Variants in PPP4R3B observed in about 807,000 individuals in gnomAD.
PPP4R3B encodes serine/threonine-protein phosphatase 4 regulatory subunit 3B.
A neutral mutation model predicts 95.4 loss-of-function variants in PPP4R3B; 52 were observed. The observed-to-expected ratio is 0.54, with a 90% confidence interval of 0.44 to 0.69. The LOEUF (loss-of-function observed/expected upper bound fraction) is 0.69, where lower values mean the gene tolerates loss of function less well. Among genes scored for constraint, PPP4R3B ranks in the 30% least tolerant of loss-of-function variants. The pLI is 0.00. For synonymous variants in PPP4R3B, 407 were observed against 343.9 expected, an observed-to-expected ratio of 1.18 and a Z score of -2.03; for missense variants, 1,003 against 1,005.9, an observed-to-expected ratio of 1.00 and a Z score of 0.04.
chr2:55,584,451 G>A, intron 7 of PPP4R3B, among the ~76,000 whole-genome samples: 1 of 152,100 alleles, frequency 6.6e-6, no homozygotes, highest in Non-Finnish European at 1.5e-5. Flanking sequence ...CATCACCCAA[G>A]CAGTATACAC....
At chr2:55,553,965 A>G (rs1053798204) in intron 16 of PPP4R3B, among the ~76,000 whole-genome samples, 3 of 152,128 alleles carry the variant, frequency 2.0e-5, no homozygotes, top group Non-Finnish European at 2.9e-5. Context: ...TACAATATAT[A>G]CCTAGGAAAT....
chr2:55,586,522 G>C (rs1690172419), intron 6 of PPP4R3B, 96 bp downstream of exon 6: 1 of 646,922 alleles, frequency 1.5e-6, no homozygotes, highest in East Asian at 2.8e-5. Context: ...CTAAACTATA[G>C]AATTGAATAT....
chr2:55,612,702 T>TG (rs1485044515), intron 2 of PPP4R3B, among the ~76,000 whole-genome samples: 2 of 152,000 alleles, frequency 1.3e-5, no homozygotes, highest in African/African-American at 2.4e-5. Context: ...CCCAGCACTT[T>TG]GGGGGGCCGA....
rs758500500 is a variant in PPP4R3B, at chr2:55,578,338, A to T, written c.1473T>A (p.Phe491Leu). 1 of 1,395,564 alleles carries T rather than the reference A, an allele frequency of 7.2e-7. No homozygotes were observed. Among genetic ancestry groups the T allele is most frequent in the South Asian group, 2.0e-5 (1 of 50,886 alleles). 86.4% of individuals were successfully genotyped at this position (1,395,564 alleles called of 1,614,324 possible). Residue 491 changes from phenylalanine to leucine, a missense_variant, in exon 10 of 17, where the codon TTT (phenylalanine) becomes TTA (leucine). Around this residue, in one of 3 missense-constraint regions of PPP4R3B, gnomAD observed 695 missense variants for 686.2 expected, o/e 1.01. Transcript: ENST00000616407. ...NTSEDKCEKD[F>L]FLKHYRYSWS... ...AACTATATCTGTAATGTTTTAAAAAAAAATCTGAAAAAAAATATGGCAAGT... is the reference window on the plus strand; with the variant it reads ...AACTATATCTGTAATGTTTTAAAAATAAATCTGAAAAAAAATATGGCAAGT...
At chr2:55,615,626 CG>C in intron 1 of PPP4R3B, 120 bp from the exon 2 acceptor site, 2 of 608,692 alleles carry the variant, frequency 3.3e-6, no homozygotes, top group Non-Finnish European at 5.6e-6. Context: ...CTTTGGGAGG[CG>C]GGCAGATCAC....
intron 6 of PPP4R3B, among the ~76,000 whole-genome samples, 156 bp downstream of exon 6, chr2:55,586,462 T>C (rs1043908475): frequency 2.4e-4 from 37 of 152,236 alleles, no homozygotes; most frequent in African/African-American, 8.4e-4. Context: ...ATATTAAAAA[T>C]TAAATAAAAA....
Position 55,598,600 on chromosome 2 carries a change from G to A in PPP4R3B, c.737C>T (p.Ala246Val). 3.1e-6 allele frequency: 5 copies of A among 1,614,142 alleles called. No homozygotes were observed. Among genetic ancestry groups the A allele is most frequent in the Non-Finnish European group, 3.4e-6 (4 of 1,180,020 alleles). ...KRHREFLTKT[A>V]KFKEVIPITD... ...TATTGGTATAACTTCCTTGAACTTT[G>A]CAGTTTTGGTCAAGAATTCTCTATG... The change falls in exon 4 of 17, where the codon GCA becomes GTA. Residue 246 changes from alanine (A) to valine (V), a missense_variant. Ala to Val is a moderately conservative substitution (Grantham distance 64). Around this residue, in one of 3 missense-constraint regions of PPP4R3B, gnomAD observed 695 missense variants for 686.2 expected, o/e 1.01. Transcript: ENST00000616407.
intron 11 of PPP4R3B, among the ~76,000 whole-genome samples, chr2:55,576,470 C>T (rs1173675504): frequency 4.6e-5 from 7 of 151,680 alleles, no homozygotes; most frequent in South Asian, 2.1e-4. Context: ...AGGCCGGGCG[C>T]GGTGGCTCAC....
In PPP4R3B at chr2:55,573,705, T is replaced by C; in HGVS notation, c.1679A>G (p.Tyr560Cys). The change falls in exon 12 of 17, where the codon TAT (tyrosine) becomes TGT (cysteine). Residue 560 changes from tyrosine (Y) to cysteine (C), a missense_variant. By Grantham distance (194) the Tyr-to-Cys change is radical (BLOSUM62 -2). Transcript: ENST00000616407. ...LLTFCVEHHT[Y>C]HIKNYIMNKD... ...GTTCATAATATAGTTTTTTATGTGA[T>C]ATGTGTGATGTTCCACACAAAATGT... 1 of 1,546,972 alleles carries C rather than the reference T, an allele frequency of 6.5e-7. No individual in the cohort carries two copies. The highest frequency in any genetic ancestry group is 8.7e-7 in the Non-Finnish European group (1 of 1,145,562).
chr2:55,603,540 T>G (rs1347677338), intron 3 of PPP4R3B, among the ~76,000 whole-genome samples: 1 of 152,216 alleles, frequency 6.6e-6, no homozygotes, highest in Non-Finnish European at 1.5e-5. Flanking sequence ...TACCACATAT[T>G]CTATATATCC....
At chr2:55,597,873 A>G (rs1355841062) in intron 4 of PPP4R3B, among the ~76,000 whole-genome samples, 2 of 152,222 alleles carry the variant, frequency 1.3e-5, no homozygotes, top group East Asian at 3.8e-4. Context: ...TCAATTTTAG[A>G]AACACAAATA....
At chr2:55,609,667 C>CAA (rs58617547) in intron 2 of PPP4R3B, among the ~76,000 whole-genome samples, 4 of 103,508 alleles carry the variant, frequency 3.9e-5, no homozygotes, top group Non-Finnish European at 8.1e-5. Context: ...GACTGTGTCT[C>CAA]AAAAAAAAAA....
intron 15 of PPP4R3B, among the ~76,000 whole-genome samples, chr2:55,561,955 A>G (rs1686684976): frequency 6.6e-6 from 1 of 152,136 alleles, no homozygotes; most frequent in Non-Finnish European, 1.5e-5. Flanking sequence ...AAAGGACATG[A>G]AATTAGGGAG....
intron 13 of PPP4R3B, chr2:55,567,938 A>G (rs567443416): frequency 1.0e-5 from 2 of 199,818 alleles, no homozygotes; most frequent in Admixed American, 1.2e-4. Flanking sequence ...TATATTTCAC[A>G]ATTAAAAATA....
intron 11 of PPP4R3B, among the ~76,000 whole-genome samples, chr2:55,575,035 T>C (rs1258044300): frequency 6.7e-6 from 1 of 149,410 alleles, no homozygotes; most frequent in Admixed American, 6.7e-5. Context: ...CCTCCCGGGT[T>C]CACGCCATTC....
chr2:55,589,471 G>A (rs1386997975), intron 4 of PPP4R3B, among the ~76,000 whole-genome samples: 3 of 152,152 alleles, frequency 2.0e-5, no homozygotes, highest in African/African-American at 7.2e-5. Flanking sequence ...ACCAACTGGT[G>A]CACAGTTTTA....
At chr2:55,615,798 G>GCAGTA (rs909064927) in intron 1 of PPP4R3B, among the ~76,000 whole-genome samples, 37 of 134,718 alleles carry the variant, frequency 2.7e-4, no homozygotes, top group African/African-American at 9.0e-4. Flanking sequence ...GGCAGAGGTT[G>GCAGTA]CAGTAGCCCA....
Position 55,558,902 on chromosome 2 carries a change from A to T in PPP4R3B, c.2327T>A (p.Phe776Tyr), listed in dbSNP as rs767076481. 1.9e-6 allele frequency: 3 copies of T among 1,613,926 alleles called. No homozygotes were observed. Among genetic ancestry groups the T allele is most frequent in the Non-Finnish European group, 2.5e-6 (3 of 1,179,966 alleles). ...RTSPGGFKFT[F>Y]SHSASAANGT... ...ATTAGCAGCACTGGCAGAGTGGGAG[A>T]AAGTAAATTTGAAGCCACCAGGAGA... Residue 776 changes from phenylalanine to tyrosine, a missense_variant, in exon 16 of 17, where the codon TTC becomes TAC. This residue lies in a region of PPP4R3B where 229 missense variants were observed against 194.7 expected (regional missense o/e 1.18). Transcript: ENST00000616407.
At position 55,617,187 on chromosome 2, in the gene PPP4R3B, C is replaced by T; in HGVS notation, c.99G>A (p.Glu33=). The change falls in exon 1 of 17, where the codon GAG becomes GAA. Residue 33 remains glutamate (E), a synonymous_variant. Transcript: ENST00000616407. ...GTGHVSSTYV[E]ELKGMSLLVR... ...CCAGCAGCGACATCCCCTTGAGCTC[C>T]TCCACGTAAGTGGAGGAGACGTGCC... The T allele has an allele frequency of 6.2e-7, 1 of 1,614,036 alleles. No individual in the cohort carries two copies.
Sources: gnomAD v4.1 joint callset for allele counts (sites outside exome capture counted in the v4.1 genomes callset) on GRCh38, gnomAD v4.1.1 for gene constraint, gnomAD v4.1.1 regional missense constraint, MANE v1.5 for transcripts, NCBI Gene and HGNC (gene_info 2026-07-23, HGNC 2026-07-21) for gene names.